SPRED1: variants seen among roughly 807,000 people sequenced by gnomAD.
SPRED1 encodes sprouty related EVH1 domain containing 1.
SPRED1 carries 18 observed loss-of-function variants against 52.3 expected under a neutral mutation model. That is an observed-to-expected ratio of 0.34 (90% CI 0.24 to 0.51). The LOEUF is 0.51. Among genes scored for constraint, SPRED1 ranks in the 20% least tolerant of loss-of-function variants. The pLI, the probability that SPRED1 is intolerant of heterozygous loss-of-function variation, is 0.97. For synonymous variants in SPRED1, 155 were observed against 179.7 expected (o/e 0.86, Z 1.10); for missense variants, 485 against 551.0 (o/e 0.88, Z 1.20).
At chr15:38,270,855 A>G (rs967703122) in intron 1 of SPRED1, among the ~76,000 whole-genome samples, 1 of 152,190 alleles carries the variant, frequency 6.6e-6, no homozygotes, top group African/African-American at 2.4e-5. Flanking sequence ...TTCATATATC[A>G]GCTTTTGTAC....
intron 1 of SPRED1, among the ~76,000 whole-genome samples, chr15:38,263,527 G>A (rs1241547454): frequency 6.6e-6 from 1 of 152,174 alleles, no homozygotes; most frequent in African/African-American, 2.4e-5. Flanking sequence ...GACGGAAGTG[G>A]CTTAAGTGGT....
intron 1 of SPRED1, among the ~76,000 whole-genome samples, chr15:38,289,578 T>A (rs2140971061): frequency 6.6e-6 from 1 of 152,284 alleles, no homozygotes; most frequent in Admixed American, 6.5e-5. Context: ...ATTATCTGGA[T>A]GAACCTGGGC....
chr15:38,294,272 A>G lies in SPRED1; in HGVS notation c.33-5101A>G, dbSNP rs375390795. 7.2e-5 allele frequency among the ~76,000 whole-genome samples: 11 copies of G among 152,324 alleles called. No homozygotes were observed. In the East Asian group the frequency reaches 1.3e-3, roughly 19 times the overall value. ...GTTCTGTCACTATAAATATGCCTCA[A>G]TGGATAAATAAGTTCCTGTTATACT... On this transcript the variant is annotated intron_variant, in intron 1 of 6. Coordinates refer to ENST00000299084, the MANE Select transcript of SPRED1 (RefSeq NM_152594.3).
At chr15:38,258,781 A>G (rs1894151589) in intron 1 of SPRED1, among the ~76,000 whole-genome samples, 1 of 152,190 alleles carries the variant, frequency 6.6e-6, no homozygotes, top group South Asian at 2.1e-4. Flanking sequence ...GCTATATTAT[A>G]AATAGAATTT....
intron 3 of SPRED1, among the ~76,000 whole-genome samples, 196 bp downstream of exon 3, chr15:38,322,605 A>G (rs1895627445): frequency 6.6e-6 from 1 of 152,218 alleles, no homozygotes; most frequent in South Asian, 2.1e-4. Flanking sequence ...TTGTCACATC[A>G]TAGTCTATGT....
At chr15:38,319,782 C>T (rs1471258074) in intron 2 of SPRED1, among the ~76,000 whole-genome samples, 1 of 152,196 alleles carries the variant, frequency 6.6e-6, no homozygotes, top group African/African-American at 2.4e-5. Flanking sequence ...GAACCTTAGT[C>T]ACATTTTTGG....
At chr15:38,311,000 G>A (rs1895356078) in intron 2 of SPRED1, among the ~76,000 whole-genome samples, 2 of 152,096 alleles carry the variant, frequency 1.3e-5, no homozygotes, top group South Asian at 4.1e-4. Flanking sequence ...TACAATGGTA[G>A]TAGAGTACAT....
At chr15:38,348,478 AT>A (rs1566875842) in intron 5 of SPRED1, among the ~76,000 whole-genome samples, 4 of 151,722 alleles carry the variant, frequency 2.6e-5, no homozygotes, top group African/African-American at 2.4e-5. Flanking sequence ...GCACTAAAAA[AT>A]TTTTTTTATG....
At chr15:38,339,690 G>A (rs757989919) in intron 4 of SPRED1, 47 bp from the exon 5 acceptor site, 19 of 1,583,222 alleles carry the variant, frequency 1.2e-5, no homozygotes, top group Admixed American at 1.7e-5. Context: ...TGTGGTGGTG[G>A]TGGTTTTTAT....
intron 2 of SPRED1, among the ~76,000 whole-genome samples, chr15:38,308,107 C>A (rs1474403461): frequency 6.6e-6 from 1 of 152,068 alleles, no homozygotes; most frequent in Non-Finnish European, 1.5e-5. Context: ...AGGAAGTGTT[C>A]TTATGTTCTC....
chr15:38,299,275 G>A, intron 1 of SPRED1, 98 bp from the exon 2 acceptor site: 3 of 1,304,364 alleles, frequency 2.3e-6, no homozygotes, highest in Non-Finnish European at 3.3e-6. Context: ...GTCACCACAT[G>A]TTAACTAATG....
chr15:38,275,343 G>A (rs760527516), intron 1 of SPRED1, among the ~76,000 whole-genome samples: 3 of 152,088 alleles, frequency 2.0e-5, no homozygotes, highest in Non-Finnish European at 4.4e-5. Flanking sequence ...GGTATCATAA[G>A]ATGCTCCAGG....
chr15:38,335,480 C>G (rs1895894547), intron 4 of SPRED1, among the ~76,000 whole-genome samples: 1 of 151,960 alleles, frequency 6.6e-6, no homozygotes, highest in Admixed American at 6.6e-5. Context: ...AGAAGATTAC[C>G]TTGTTTAGAA....
intron 1 of SPRED1, among the ~76,000 whole-genome samples, chr15:38,295,722 T>C (rs929786837): frequency 1.3e-5 from 2 of 152,178 alleles, no homozygotes; most frequent in African/African-American, 4.8e-5. Context: ...TTTATGAACA[T>C]CATGCACAAT....
intron 4 of SPRED1, among the ~76,000 whole-genome samples, chr15:38,331,490 A>G (rs1248573488): frequency 2.6e-5 from 4 of 152,166 alleles, no homozygotes; most frequent in African/African-American, 9.6e-5. Flanking sequence ...TTTATGCTCA[A>G]TCATATCCAA....
intron 2 of SPRED1, among the ~76,000 whole-genome samples, chr15:38,319,280 G>A (rs1165765097): frequency 6.6e-6 from 1 of 152,124 alleles, no homozygotes; most frequent in Non-Finnish European, 1.5e-5. Flanking sequence ...ATCGTGAATT[G>A]TTGTTGTTGT....
At chr15:38,286,204 C>G (rs1894804256) in intron 1 of SPRED1, among the ~76,000 whole-genome samples, 1 of 118,948 alleles carries the variant, frequency 8.4e-6, no homozygotes, top group African/African-American at 3.2e-5. Flanking sequence ...GAGCTATGAT[C>G]ATGCCAACCG....
intron 1 of SPRED1, among the ~76,000 whole-genome samples, chr15:38,266,277 T>G (rs551846439): frequency 6.6e-6 from 1 of 152,194 alleles, no homozygotes; most frequent in Non-Finnish European, 1.5e-5. Flanking sequence ...TTGATGAAGG[T>G]TATTGGATCC....
At chr15:38,302,841 A>T (rs1168890992) in intron 2 of SPRED1, among the ~76,000 whole-genome samples, 1 of 152,110 alleles carries the variant, frequency 6.6e-6, no homozygotes, top group Admixed American at 6.6e-5. Flanking sequence ...ACACTTGGGG[A>T]TGGAATGATC....
Sources: allele counts gnomAD v4.1 joint callset (sites outside exome capture counted in the v4.1 genomes callset), GRCh38; gene constraint gnomAD v4.1.1; transcripts MANE v1.5; gene names NCBI Gene and HGNC (gene_info 2026-07-23, HGNC 2026-07-21).